The following SEPTIN11 variants were observed in gnomAD, a reference collection of about 807,000 sequenced individuals.
SEPTIN11 encodes septin-11.
A neutral mutation model predicts 51.4 loss-of-function variants in SEPTIN11; 25 were observed. That is an observed-to-expected ratio of 0.49 (90% confidence interval 0.35 to 0.68). The LOEUF is 0.68. SEPTIN11 is among the 30% of genes least tolerant of loss of function. SEPTIN11 has a pLI of 0.00. For missense variants in SEPTIN11, 381 were observed against 520.8 expected (o/e 0.73, Z 2.61); for synonymous variants, 174 against 184.1 (o/e 0.95, Z 0.44).
intron 3 of SEPTIN11, chr4:77,009,858 G>A (rs1009278072): frequency 1.3e-5 from 2 of 152,284 alleles, no homozygotes; most frequent in African/African-American, 4.8e-5. Flanking sequence ...AGTGTCAGGA[G>A]ACAGAAGGAT....
At chr4:76,978,057 G>C (rs1722583355) in intron 1 of SEPTIN11, among the ~76,000 whole-genome samples, 2 of 152,192 alleles carry the variant, frequency 1.3e-5, no homozygotes, top group African/African-American at 4.8e-5. Flanking sequence ...AGCTTTGCCA[G>C]AGAAAAGTAA....
intron 5 of SEPTIN11, among the ~76,000 whole-genome samples, chr4:77,018,267 G>T (rs370095056): frequency 2.0e-5 from 3 of 152,020 alleles, no homozygotes; most frequent in African/African-American, 7.2e-5. Context: ...TGGCTAACAC[G>T]GTGAAACCCC....
At chr4:77,002,778 GT>G (rs138486447) in intron 2 of SEPTIN11, among the ~76,000 whole-genome samples, 11,719 of 147,516 alleles carry the variant, frequency 0.079, 573 homozygotes, top group Non-Finnish European at 0.11. Context: ...TTTTTTTTTT[GT>G]AAGACTATTC....
At chr4:77,009,897 T>C (rs1724743597) in intron 3 of SEPTIN11, 1 of 152,292 alleles carries the variant, frequency 6.6e-6, no homozygotes, top group Non-Finnish European at 1.5e-5. Context: ...GCAAAGGGCA[T>C]GGGTGGACCT....
rs1727132912 is a variant in SEPTIN11, at chr4:77,037,692, C to A, written c.*3180C>A. 1 of 985,784 alleles carries A rather than the reference C, an allele frequency of 1.0e-6. No individual in the cohort carries two copies. The highest frequency in any genetic ancestry group is 1.2e-6 in the Non-Finnish European group (1 of 829,920). The allele number at this position is 985,784 out of a possible 1,614,324, so 61.1% of individuals were successfully genotyped here. On this transcript the variant is annotated 3_prime_UTR_variant, in exon 10 of 10. Coordinates refer to ENST00000264893, the MANE Select transcript of SEPTIN11 (RefSeq NM_018243.4). ...ATACCATCTTTTTGCTTCTTCTGAA[C>A]TTTAGATCTCCATAACACATGTACT...
chr4:77,021,313 G>A (rs575389461), intron 7 of SEPTIN11: 91 of 152,610 alleles, frequency 6.0e-4, no homozygotes, highest in Non-Finnish European at 1.1e-3. Flanking sequence ...TCAGAATCCA[G>A]TGGTAGGGAT....
chr4:76,982,182 T>A (rs1282728927), intron 1 of SEPTIN11, among the ~76,000 whole-genome samples: 1 of 152,030 alleles, frequency 6.6e-6, no homozygotes, highest in Non-Finnish European at 1.5e-5. Context: ...TTTCCATCCA[T>A]CTCCATTCCC....
chr4:76,955,694 C>T (rs552157328), intron 1 of SEPTIN11, among the ~76,000 whole-genome samples: 2 of 152,224 alleles, frequency 1.3e-5, no homozygotes, highest in Non-Finnish European at 2.9e-5. Context: ...AGTTGAGAAA[C>T]GATCAGGGGA....
intron 1 of SEPTIN11, among the ~76,000 whole-genome samples, chr4:76,970,545 T>C (rs1419118174): frequency 6.6e-6 from 1 of 152,228 alleles, no homozygotes; most frequent in Non-Finnish European, 1.5e-5. Context: ...TATTTAGTGG[T>C]TGAGCATCTG....
chr4:76,952,882 A>T (rs1721404403), intron 1 of SEPTIN11, among the ~76,000 whole-genome samples: 1 of 152,158 alleles, frequency 6.6e-6, no homozygotes, highest in African/African-American at 2.4e-5. Flanking sequence ...GGCAGCTATT[A>T]TCTTTATTTT....
At chr4:76,964,133 T>G (rs1267118046) in intron 1 of SEPTIN11, among the ~76,000 whole-genome samples, 1 of 152,212 alleles carries the variant, frequency 6.6e-6, no homozygotes. Flanking sequence ...GGACATGAAC[T>G]CATCCTTTTT....
chr4:77,013,427 C>T (rs1391998581), intron 4 of SEPTIN11, among the ~76,000 whole-genome samples: 3 of 152,196 alleles, frequency 2.0e-5, no homozygotes, highest in Admixed American at 6.5e-5. Flanking sequence ...GGTTTTAAAA[C>T]TAAATTGCTT....
In SEPTIN11 at chr4:77,034,823, A is replaced by G. The variant is rs756444131; in HGVS notation, c.*311A>G. On this transcript the variant is annotated 3_prime_UTR_variant, in exon 10 of 10. Transcript: ENST00000264893. The stretch of plus-strand genomic sequence containing the variant: ...CTTGTATGTCGCTTTGGACAGAGGA[A>G]AGTGGGGTAAAATGCTACCTGTACG... 1.9e-6 allele frequency: 2 copies of G among 1,066,208 alleles called. No homozygotes were observed. The highest frequency in any genetic ancestry group is 2.3e-6 in the Non-Finnish European group (2 of 882,760). The allele number at this position is 1,066,208 out of a possible 1,614,324, so 66.0% of individuals were successfully genotyped here.
intron 1 of SEPTIN11, among the ~76,000 whole-genome samples, chr4:76,988,618 C>A (rs1293163341): frequency 6.6e-6 from 1 of 152,202 alleles, no homozygotes; most frequent in African/African-American, 2.4e-5. Context: ...AAGCAAGATC[C>A]TCCTGCGTCA....
intron 2 of SEPTIN11, among the ~76,000 whole-genome samples, chr4:77,000,962 C>T (rs1724079746): frequency 6.6e-6 from 1 of 152,138 alleles, no homozygotes; most frequent in South Asian, 2.1e-4. Flanking sequence ...CTCAAGTAGC[C>T]AGTCTTGGCA....
intron 4 of SEPTIN11, among the ~76,000 whole-genome samples, chr4:77,012,935 A>G (rs866924889): frequency 1.1e-4 from 16 of 152,290 alleles, no homozygotes; most frequent in Admixed American, 9.1e-4. Flanking sequence ...ACCCTCCTTC[A>G]TCCCATCTGA....
At chr4:76,958,859 G>A (rs1721679006) in intron 1 of SEPTIN11, 5 of 1,483,896 alleles carry the variant, frequency 3.4e-6, no homozygotes, top group Non-Finnish European at 4.7e-6. Context: ...AACATGATTA[G>A]ACTAATTCAT....
chr4:77,007,059 C>T (rs1724525195), intron 3 of SEPTIN11, among the ~76,000 whole-genome samples: 1 of 152,202 alleles, frequency 6.6e-6, no homozygotes, highest in Non-Finnish European at 1.5e-5. Flanking sequence ...ACAAGTTCAG[C>T]TCTGACACTG....
chr4:77,030,931 C>G lies in SEPTIN11; in HGVS notation c.1235C>G (p.Ser412Cys). 1 of 1,607,816 alleles carries G rather than the reference C, an allele frequency of 6.2e-7. No individual in the cohort carries two copies. The change falls in exon 9 of 10, where the codon TCT becomes TGT. Residue 412 changes from serine (S) to cysteine (C), a missense_variant. Physicochemically the swap from Ser to Cys is moderately radical, Grantham distance 112. Coordinates refer to ENST00000264893, the MANE Select transcript of SEPTIN11 (RefSeq NM_018243.4). Reference protein sequence around the residue: ...AQLLQSQAQQSGAQQTKKDKD... With the variant: ...AQLLQSQAQQCGAQQTKKDKD... ...TTACTACAGTCCCAGGCCCAGCAAT[C>G]TGGGGCCCAGCAAACCAAGAAAGAC...
Sources: allele counts gnomAD v4.1 joint callset (sites outside exome capture counted in the v4.1 genomes callset), GRCh38; gene constraint gnomAD v4.1.1; transcripts MANE v1.5; gene names NCBI Gene and HGNC (gene_info 2026-07-23, HGNC 2026-07-21).